Variants in EFHB observed in about 807,000 individuals in gnomAD.
EFHB encodes EF-hand domain-containing family member B.
Under a neutral mutation model 87.2 loss-of-function variants are expected in EFHB, and 91 were observed. The ratio of observed to expected loss-of-function variants is 1.04; its 90% CI spans 0.88 to 1.24. The LOEUF is 1.24. Among genes scored for constraint, EFHB ranks in the 50% most tolerant of loss-of-function variants. The probability of loss-of-function intolerance (pLI) is 0.00; values close to 1 mark genes in which losing one functional copy is unlikely to be tolerated. For synonymous variants in EFHB, 325 were observed against 333.6 expected (o/e 0.97, Z 0.28); for missense variants, 1,084 against 998.8 (o/e 1.09, Z -1.15).
At chr3:19,883,863 C>G (rs562076765) in intron 11 of EFHB, among the ~76,000 whole-genome samples, 1 of 152,180 alleles carries the variant, frequency 6.6e-6, no homozygotes, top group Admixed American at 6.6e-5. Flanking sequence ...GAGGCATGGA[C>G]AGATTCTCCT....
intron 2 of EFHB, 81 bp from the exon 3 acceptor site, chr3:19,920,057 A>G (rs756600926): frequency 2.4e-5 from 36 of 1,482,094 alleles, no homozygotes; most frequent in Non-Finnish European, 3.1e-5. Context: ...CAATCAACCA[A>G]CAACCTTAAG....
chr3:19,933,115 A>C (rs967258556), intron 1 of EFHB, 115 bp downstream of exon 1: 2 of 1,299,228 alleles, frequency 1.5e-6, no homozygotes, highest in Non-Finnish European at 2.1e-6. Flanking sequence ...TAGGAATCTC[A>C]TAAAATCCTT....
In EFHB at chr3:19,879,597, AT is replaced by A. The variant is rs761883439; in HGVS notation, c.*33del. 3.3e-6 allele frequency: 5 copies of A among 1,522,002 alleles called. No homozygotes were observed. The highest frequency in any genetic ancestry group is 2.6e-6 in the Non-Finnish European group (3 of 1,136,768). 94.3% of individuals were successfully genotyped at this position (1,522,002 alleles called of 1,614,324 possible). ...ATTTTAGATAAACACAGAGTTAATA[AT>A]TCTTTTGCTTGAATGAATGAAGTCC... On this transcript the variant is annotated 3_prime_UTR_variant, in exon 13 of 13. Transcript: ENST00000295824.
At chr3:19,934,240 CAG>C (rs1434772523), upstream of EFHB, 2 of 1,425,254 alleles carry the variant, frequency 1.4e-6, no homozygotes, top group African/African-American at 1.4e-5. Flanking sequence ...ACCTGGGAAA[CAG>C]GGGCGGGGCT....
At chr3:19,911,770 T>TA (rs1249838133) in intron 5 of EFHB, among the ~76,000 whole-genome samples, 1 of 151,504 alleles carries the variant, frequency 6.6e-6, no homozygotes, top group African/African-American at 2.4e-5. Flanking sequence ...AAGAATGAAG[T>TA]ACAACTAAAA....
At chr3:19,919,016 A>C (rs538052652) in intron 3 of EFHB, among the ~76,000 whole-genome samples, 1 of 151,904 alleles carries the variant, frequency 6.6e-6, no homozygotes, top group African/African-American at 2.4e-5. Flanking sequence ...AGTGAAAATG[A>C]AAAGCACAAG....
chr3:19,901,191 AG>A (rs1694658685), intron 6 of EFHB, among the ~76,000 whole-genome samples: 1 of 152,214 alleles, frequency 6.6e-6, no homozygotes, highest in South Asian at 2.1e-4. Flanking sequence ...GAGCCACACT[AG>A]GAAAAAATAC....
At chr3:19,944,721 C>T (rs1430774204) in intron 1 of EFHB, among the ~76,000 whole-genome samples, 6 of 151,888 alleles carry the variant, frequency 4.0e-5, no homozygotes, top group African/African-American at 1.2e-4. Context: ...CATACTGGAA[C>T]GATGAAATAG....
In EFHB at chr3:19,882,638, C is replaced by T. The variant is rs2071707657; in HGVS notation, c.2240G>A (p.Gly747Asp). The T allele has an allele frequency of 1.2e-6, 2 of 1,613,656 alleles. No individual in the cohort carries two copies. The highest frequency in any genetic ancestry group is 3.3e-5 in the Admixed American group (2 of 59,978). ...ISDRTNYGEE[G>D]SAYSLLYPTI... ...AGGATATAGTAGTGAATATGCACTA[C>T]CTTCTTCACCATAATTAGTTCTGTC... Residue 747 changes from glycine to aspartate, a missense_variant, in exon 12 of 13, where the codon GGT becomes GAT. Gly to Asp is a moderately conservative substitution (Grantham distance 94). Transcript: ENST00000295824.
chr3:19,917,887 G>T (rs7627239), intron 4 of EFHB, among the ~76,000 whole-genome samples: 5,903 of 152,244 alleles, frequency 0.039, 367 homozygotes, highest in African/African-American at 0.13. Flanking sequence ...CACATGTGAA[G>T]CACTGATGGA....
intron 10 of EFHB, among the ~76,000 whole-genome samples, chr3:19,885,119 G>A (rs1559444119): frequency 6.6e-6 from 1 of 151,898 alleles, no homozygotes; most frequent in Non-Finnish European, 1.5e-5. Flanking sequence ...CTACTCAGGA[G>A]GCTGAGACAG....
intron 1 of EFHB, chr3:19,941,146 C>A: frequency 2.6e-6 from 1 of 384,520 alleles, no homozygotes; most frequent in South Asian, 3.6e-5. Context: ...CTTCTGAATC[C>A]TGGGGATAAA....
In EFHB at chr3:19,882,577, G is replaced by A; in HGVS notation, c.2301C>T (p.Asp767=). Residue 767 remains aspartate, a synonymous_variant, in exon 12 of 13, where the codon GAC becomes GAT. Coordinates refer to ENST00000295824, the MANE Select transcript of EFHB (RefSeq NM_144715.4). ...IFARKGVFER[D]FFKTRSKEEI... ...CTTCTTTTGATCTGGTCTTGAAGAA[G>A]TCTCTTTCAAACACTCCTTTCCGGG... 6.2e-7 allele frequency: 1 copy of A among 1,609,064 alleles called. No homozygotes were observed. The highest frequency in any genetic ancestry group is 2.2e-5 in the East Asian group (1 of 44,834).
In EFHB at chr3:19,893,295, G is replaced by C. The variant is rs1390867650; in HGVS notation, c.1725+3392C>G. 4.6e-5 allele frequency among the ~76,000 whole-genome samples: 7 copies of C among 152,166 alleles called. No homozygotes were observed. In the East Asian group the frequency reaches 1.2e-3, roughly 25 times the overall value. The stretch of plus-strand genomic sequence containing the variant: ...GTTAGGAAAGGTCAGATATAAGAGG[G>C]ACCAGGGATTTCTTAGAAAAGTTCC... On this transcript the variant is annotated intron_variant, in intron 9 of 12. Coordinates refer to ENST00000295824, the MANE Select transcript of EFHB (RefSeq NM_144715.4).
rs990838503 is a variant in EFHB, at chr3:19,934,210, T to C, written c.-192A>G. 6 of 1,436,746 alleles carry C rather than the reference T, an allele frequency of 4.2e-6. No homozygotes were observed. The highest frequency in any genetic ancestry group is 4.5e-6 in the Non-Finnish European group (5 of 1,103,068). The allele number at this position is 1,436,746 out of a possible 1,614,324, so 89.0% of individuals were successfully genotyped here. A position where few individuals can be genotyped will look rare whatever the true frequency, so the allele number is the denominator to read the frequency against. On this transcript the variant is annotated 5_prime_UTR_variant, in exon 1 of 13. Transcript: ENST00000295824. ...CTAGCCGAGTTCACAGAGGAAAAGA[T>C]GGAGTCTGTTTATCAGGTTACCTGG... is the stretch of plus-strand genomic sequence containing the variant.
chr3:19,898,779 A>T lies in EFHB; in HGVS notation c.1569T>A (p.Tyr523Ter). 6.2e-7 allele frequency: 1 copy of T among 1,613,366 alleles called. No homozygotes were observed. Among genetic ancestry groups the T allele is most frequent in the East Asian group, 2.2e-5 (1 of 44,856 alleles). ...TACGGAGAAAGTGTGTATATTTACC[A>T]TATTCCTCAGGACGGAGACAAGCTC... ...TFGACLRPEE[Y>*]GVGDLIHNRL... Residue 523 changes from tyrosine (Y) to a stop codon, truncating the protein, a stop_gained and splice_region_variant, in exon 8 of 13, where the codon TAT becomes TAA. Transcript: ENST00000295824. LOFTEE classifies it high-confidence loss of function.
intron 6 of EFHB, among the ~76,000 whole-genome samples, chr3:19,900,936 A>AG (rs1190129178): frequency 6.6e-6 from 1 of 152,002 alleles, no homozygotes; most frequent in African/African-American, 2.4e-5. Context: ...CAAAAAAAAA[A>AG]AAAATGTAGA....
At chr3:19,880,911 G>GAAA (rs150677567) in intron 12 of EFHB, among the ~76,000 whole-genome samples, 6 of 139,162 alleles carry the variant, frequency 4.3e-5, no homozygotes, top group Admixed American at 2.2e-4. Flanking sequence ...GAAGCATTCA[G>GAAA]AAAAAAAAAA....
intron 1 of EFHB, among the ~76,000 whole-genome samples, chr3:19,924,820 A>G (rs1404479413): frequency 6.6e-6 from 1 of 152,194 alleles, no homozygotes; most frequent in East Asian, 1.9e-4. Context: ...ATGTATACAT[A>G]TGTAACTAAC....
Sources: allele counts gnomAD v4.1 joint callset (sites outside exome capture counted in the v4.1 genomes callset), GRCh38; gene constraint gnomAD v4.1.1; transcripts MANE v1.5; gene names NCBI Gene and HGNC (gene_info 2026-07-23, HGNC 2026-07-21).